ZNF821: variants seen among roughly 807,000 people sequenced by gnomAD.
The protein encoded by ZNF821 is zinc finger protein 821.
A neutral mutation model predicts 44.3 loss-of-function variants in ZNF821; 16 were observed. The observed-to-expected ratio is 0.36, with a 90% CI of 0.24 to 0.55. The LOEUF is 0.55. Ranked by LOEUF, ZNF821 falls within the 20% of genes least tolerant of loss-of-function variation. The probability of loss-of-function intolerance (pLI) is 0.86; values close to 1 mark genes in which losing one functional copy is unlikely to be tolerated. For synonymous variants in ZNF821, 204 were observed against 197.6 expected, an observed-to-expected ratio of 1.03 and a Z score of -0.27; for missense variants, 436 against 547.6, an observed-to-expected ratio of 0.80 and a Z score of 2.03.
At chr16:71,887,856 C>CT (rs555295344), upstream of ZNF821, among the ~76,000 whole-genome samples, 5,913 of 133,596 alleles carry the variant, frequency 0.044, 352 homozygotes, top group African/African-American at 0.14. Context: ...ATTGAGTTGT[C>CT]TTTTTTTTTT....
At chr16:71,882,857 T>C (rs2036574633) in intron 2 of ZNF821, among the ~76,000 whole-genome samples, 1 of 152,110 alleles carries the variant, frequency 6.6e-6, no homozygotes, top group African/African-American at 2.4e-5. Flanking sequence ...CCCAGAGACA[T>C]ACAGCCCTAA....
intron 3 of ZNF821, among the ~76,000 whole-genome samples, chr16:71,874,830 T>A (rs1385252822): frequency 6.6e-6 from 1 of 152,236 alleles, no homozygotes; most frequent in Non-Finnish European, 1.5e-5. Flanking sequence ...TGCAAGGTGA[T>A]AGGAGACTCA....
intron 3 of ZNF821, among the ~76,000 whole-genome samples, chr16:71,877,663 A>G (rs1321208702): frequency 1.3e-5 from 2 of 152,046 alleles, no homozygotes; most frequent in East Asian, 1.9e-4. Flanking sequence ...TCATGCCTAT[A>G]ATCCCAGCAC....
intron 3 of ZNF821, among the ~76,000 whole-genome samples, chr16:71,873,582 C>G (rs532603616): frequency 3.3e-5 from 5 of 152,236 alleles, no homozygotes; most frequent in Non-Finnish European, 7.4e-5. Context: ...AGTGCCAAAG[C>G]AGCTGCCCAC....
At chr16:71,894,203 A>G (rs1292093571) in intron 1 of ZNF821, 2 of 152,182 alleles carry the variant, frequency 1.3e-5, no homozygotes, top group Non-Finnish European at 2.9e-5. Flanking sequence ...CGGTACAAGC[A>G]TTAGATGCAG....
At position 71,863,421 on chromosome 16, in the gene ZNF821, T is replaced by TA. The variant is rs1555500248; in HGVS notation, c.417+716dup. ...AATCTCTTTTTTTTTTTTTTTTTTT[T>TA]AATACAGTCTCACTCTGTCACCCTA... is the stretch of plus-strand genomic sequence containing the variant. On this transcript the variant is annotated intron_variant, in intron 6 of 7. Transcript: ENST00000425432. 7.9e-4 allele frequency among the ~76,000 whole-genome samples: 114 copies of TA among 144,510 alleles called. 2 individuals are homozygous for TA. Among genetic ancestry groups the TA allele is most frequent in the South Asian group, 2.0e-3 (9 of 4,394 alleles). 94.8% of individuals were successfully genotyped at this position (144,510 alleles called of 152,430 possible).
At chr16:71,886,999 T>A (rs1359686670), upstream of ZNF821, among the ~76,000 whole-genome samples, 1 of 152,388 alleles carries the variant, frequency 6.6e-6, no homozygotes, top group East Asian at 1.9e-4. Flanking sequence ...TCATTCATGT[T>A]GTAGCATATA....
In ZNF821 at chr16:71,864,911, C is replaced by T. The variant is rs2034360014; in HGVS notation, c.304G>A (p.Glu102Lys). 6.2e-7 allele frequency: 1 copy of T among 1,614,164 alleles called. No individual in the cohort carries two copies. The highest frequency in any genetic ancestry group is 8.5e-7 in the Non-Finnish European group (1 of 1,180,010). The change falls in exon 5 of 8, where the codon GAG becomes AAG. Residue 102 changes from glutamate to lysine, a missense_variant. Physicochemically the swap from Glu to Lys is moderately conservative, Grantham distance 56. Around this residue, in one of 5 missense-constraint regions of ZNF821, gnomAD observed 238 missense variants for 281.4 expected, o/e 0.85. Transcript: ENST00000425432. ...EQPVGGNEVVEHEVTGNLNSD... is the reference protein window; with the variant it reads ...EQPVGGNEVVKHEVTGNLNSD... ...GGGCCATCGTCACTTGCCTCGTGCTCTACCACTTCGTTCCCACCAACAGGC... is the reference window on the plus strand; with the variant it reads ...GGGCCATCGTCACTTGCCTCGTGCTTTACCACTTCGTTCCCACCAACAGGC...
intron 3 of ZNF821, among the ~76,000 whole-genome samples, chr16:71,878,676 TC>T (rs2036108891): frequency 6.6e-6 from 1 of 151,632 alleles, no homozygotes; most frequent in Non-Finnish European, 1.5e-5. Context: ...ATGCCTGTAA[TC>T]CCAGCACTTT....
At chr16:71,891,449 G>A (rs2036884973) in intron 1 of ZNF821, 1 of 152,134 alleles carries the variant, frequency 6.6e-6, no homozygotes, top group South Asian at 2.1e-4. Context: ...TGGCTTGTTG[G>A]GGTACAATTC....
At chr16:71,874,430 T>C (rs994102360) in intron 3 of ZNF821, among the ~76,000 whole-genome samples, 3 of 152,040 alleles carry the variant, frequency 2.0e-5, no homozygotes, top group Admixed American at 2.0e-4. Context: ...CCCCAGACCT[T>C]GAGTCCATTT....
At chr16:71,874,423 C>T (rs757699704) in intron 3 of ZNF821, among the ~76,000 whole-genome samples, 14 of 151,992 alleles carry the variant, frequency 9.2e-5, no homozygotes, top group African/African-American at 2.7e-4. Context: ...TCCTGCCCCC[C>T]AGACCTTGAG....
intron 6 of ZNF821, 40 bp from the exon 7 acceptor site, chr16:71,861,982 T>G: frequency 1.2e-6 from 2 of 1,602,884 alleles, no homozygotes; most frequent in Non-Finnish European, 1.7e-6. Context: ...TTGCGCTACC[T>G]CCAGGACAAT....
intron 1 of ZNF821, chr16:71,894,789 C>T (rs1228592650): frequency 6.8e-7 from 1 of 1,478,446 alleles, no homozygotes; most frequent in Non-Finnish European, 9.1e-7. Flanking sequence ...TCCCGCCCCG[C>T]CTCTCAAAGT....
chr16:71,880,345 A>C (rs1248124200), intron 2 of ZNF821: 1 of 160,350 alleles, frequency 6.2e-6, no homozygotes, highest in Non-Finnish European at 1.4e-5. Flanking sequence ...CAGGGTTAGA[A>C]GTACTGTGGG....
intron 6 of ZNF821, 39 bp from the exon 7 acceptor site, chr16:71,861,981 C>G (rs1048612395): frequency 5.0e-6 from 8 of 1,603,902 alleles, no homozygotes; most frequent in Admixed American, 1.7e-5. Context: ...CTTGCGCTAC[C>G]TCCAGGACAA....
At chr16:71,884,956 C>T (rs2142496552), upstream of ZNF821, 1 of 150,004 alleles carries the variant, frequency 6.7e-6, no homozygotes, top group South Asian at 2.2e-4. Context: ...CTCCCAGGTT[C>T]AAGCGATTCT....
intron 5 of ZNF821, chr16:71,864,659 C>T (rs2034322424): frequency 2.0e-6 from 1 of 493,780 alleles, no homozygotes. Flanking sequence ...TCTGGAAAGA[C>T]GTGGGGAGCT....
intron 6 of ZNF821, among the ~76,000 whole-genome samples, chr16:71,862,289 A>G (rs1477366583): frequency 6.6e-6 from 1 of 152,176 alleles, no homozygotes; most frequent in African/African-American, 2.4e-5. Context: ...AGCCTGGCCA[A>G]TATGGTGAAA....
Sources: gnomAD v4.1 joint callset for allele counts (sites outside exome capture counted in the v4.1 genomes callset) on GRCh38, gnomAD v4.1.1 for gene constraint, gnomAD v4.1.1 regional missense constraint, MANE v1.5 for transcripts, NCBI Gene and HGNC (gene_info 2026-07-23, HGNC 2026-07-21) for gene names.